TRIM55: variants seen among roughly 807,000 people sequenced by gnomAD.
TRIM55 encodes the protein tripartite motif-containing protein 55.
TRIM55 carries 50 observed loss-of-function variants against 60.9 expected under a neutral mutation model. The observed-to-expected ratio is 0.82, with a 90% CI of 0.65 to 1.04. The LOEUF is 1.04. TRIM55 is among the 50% of genes least tolerant of loss of function. The pLI, the probability that TRIM55 is intolerant of heterozygous loss-of-function variation, is 0.00. For missense variants in TRIM55, 681 were observed against 666.9 expected (o/e 1.02, Z -0.23); for synonymous variants, 237 against 238.1 (o/e 1.00, Z 0.04).
At position 66,127,305 on chromosome 8, in the gene TRIM55, G is replaced by C. The variant is rs1383823197; in HGVS notation, c.37G>C (p.Glu13Gln). 6.2e-7 allele frequency: 1 copy of C among 1,614,056 alleles called. No individual in the cohort carries two copies. Among genetic ancestry groups the C allele is most frequent in the Non-Finnish European group, 8.5e-7 (1 of 1,180,032 alleles). Residue 13 changes from glutamate (E) to glutamine (Q), a missense_variant, in exon 1 of 10, where the codon GAG becomes CAG. Coordinates refer to ENST00000315962, the MANE Select transcript of TRIM55 (RefSeq NM_184085.2). Reference sequence around the variant, plus strand: ...TCTGAATTACAAATCTTTTTCCAAAGAGCAGCAGACCATGGATAACTTAGA... The same window carrying C: ...TCTGAATTACAAATCTTTTTCCAAACAGCAGCAGACCATGGATAACTTAGA... ...ASLNYKSFSK[E>Q]QQTMDNLEKQ...
chr8:66,149,287 GCA>G (rs899579425), intron 4 of TRIM55, among the ~76,000 whole-genome samples: 31 of 152,014 alleles, frequency 2.0e-4, no homozygotes, highest in Non-Finnish European at 2.9e-5. Context: ...GCACACACAT[GCA>G]CACACACTCC....
the TRIM55 span, among the ~76,000 whole-genome samples, chr8:66,121,350 G>A: frequency 1.3e-5 from 2 of 152,354 alleles, no homozygotes; most frequent in Non-Finnish European, 2.9e-5. Context: ...AATTGCTCCC[G>A]ATCAGTTTCT....
chr8:66,157,000 C>T lies in TRIM55; in HGVS notation c.1524+2666C>T, dbSNP rs78839418. 9.3e-4 allele frequency among the ~76,000 whole-genome samples: 141 copies of T among 152,332 alleles called. No homozygotes were observed. The East Asian group carries it at 0.025, about 27-fold the overall frequency. On this transcript the variant is annotated intron_variant, in intron 9 of 9. Coordinates refer to ENST00000315962, the MANE Select transcript of TRIM55 (RefSeq NM_184085.2). ...GAATGGTGAGAGAGAAAACTCCATG[C>T]TTTATTGGAACCAGGACCTAATTGT...
chr8:66,163,957 A>T (rs140649510), intron 9 of TRIM55, among the ~76,000 whole-genome samples: 29 of 151,632 alleles, frequency 1.9e-4, no homozygotes, highest in Non-Finnish European at 4.3e-4. Flanking sequence ...GTTTAGGTAC[A>T]TTCATATTTA....
At chr8:66,144,386 A>G (rs551652674) in intron 4 of TRIM55, among the ~76,000 whole-genome samples, 273 of 152,308 alleles carry the variant, frequency 1.8e-3, no homozygotes, top group Non-Finnish European at 3.1e-3. Context: ...ATTTTCATTA[A>G]AATATTATAG....
intron 4 of TRIM55, among the ~76,000 whole-genome samples, chr8:66,143,019 G>A (rs1212628074): frequency 6.6e-6 from 1 of 152,162 alleles, no homozygotes; most frequent in Non-Finnish European, 1.5e-5. Flanking sequence ...GTTGGTGGCA[G>A]GAAATCCTGT....
intron 2 of TRIM55, among the ~76,000 whole-genome samples, chr8:66,130,273 TA>T (rs1809060275): frequency 6.6e-6 from 1 of 152,214 alleles, no homozygotes; most frequent in Non-Finnish European, 1.5e-5. Context: ...TTTCCAACAA[TA>T]AAGCTCATAG....
chr8:66,135,109 A>G lies in TRIM55; in HGVS notation c.461A>G (p.Lys154Arg). The G allele has an allele frequency of 1.2e-6, 2 of 1,614,144 alleles. No individual in the cohort carries two copies. Among genetic ancestry groups the G allele is most frequent in the Non-Finnish European group, 1.7e-6 (2 of 1,180,024 alleles). ...CTGTGCAAGGTGTTTGGTGCACACA[A>G]AGACTGCCAGGTGGCTCCCCTCACT... ...CSLCKVFGAH[K>R]DCQVAPLTHV... Residue 154 changes from lysine (K) to arginine (R), a missense_variant, in exon 3 of 10, where the codon AAA becomes AGA. By Grantham distance (26) the Lys-to-Arg change is conservative (BLOSUM62 2). Coordinates refer to ENST00000315962, the MANE Select transcript of TRIM55 (RefSeq NM_184085.2).
At chr8:66,150,135 A>G (rs1323562144) in intron 5 of TRIM55, 82 bp from the exon 6 acceptor site, 4 of 1,486,368 alleles carry the variant, frequency 2.7e-6, no homozygotes, top group Non-Finnish European at 3.7e-6. Context: ...AGATTCTCAG[A>G]GTCAACAAAG....
the TRIM55 span, among the ~76,000 whole-genome samples, chr8:66,115,857 T>C: frequency 6.6e-6 from 1 of 152,302 alleles, no homozygotes; most frequent in Non-Finnish European, 1.5e-5. Context: ...TGTAAAGGCC[T>C]TAGTACAGTG....
At chr8:66,163,422 T>C (rs1330808198) in intron 9 of TRIM55, among the ~76,000 whole-genome samples, 1 of 152,254 alleles carries the variant, frequency 6.6e-6, no homozygotes, top group Non-Finnish European at 1.5e-5. Context: ...GTAAAGTTAC[T>C]TCTCATCACT....
intron 2 of TRIM55, among the ~76,000 whole-genome samples, 165 bp downstream of exon 2, chr8:66,128,641 A>G (rs1274455640): frequency 2.0e-5 from 3 of 152,220 alleles, no homozygotes; most frequent in African/African-American, 7.2e-5. Flanking sequence ...AGAGTTGCTC[A>G]CAGCAGGAGA....
chr8:66,154,352 T>A lies in TRIM55; in HGVS notation c.1524+18T>A. The A allele has an allele frequency of 6.2e-7, 1 of 1,611,462 alleles. No individual in the cohort carries two copies. The highest frequency in any genetic ancestry group is 8.5e-7 in the Non-Finnish European group (1 of 1,178,048). ...CTTCTCAGGTTAGTGATGATGCACTTGTGTCTATGCTTTCCCGCGCCCCCT... is the reference window on the plus strand; with the variant it reads ...CTTCTCAGGTTAGTGATGATGCACTAGTGTCTATGCTTTCCCGCGCCCCCT... On this transcript the variant is annotated intron_variant, in intron 9 of 9. Coordinates refer to ENST00000315962, the MANE Select transcript of TRIM55 (RefSeq NM_184085.2).
intron 9 of TRIM55, among the ~76,000 whole-genome samples, chr8:66,163,556 C>T (rs11992585): frequency 0.024 from 3,624 of 152,242 alleles, 130 homozygotes; most frequent in African/African-American, 0.082. Context: ...AGCGGCATTT[C>T]GTTTCCAGAT....
the TRIM55 span, among the ~76,000 whole-genome samples, chr8:66,114,201 C>T: frequency 1.3e-5 from 2 of 151,618 alleles, no homozygotes; most frequent in Non-Finnish European, 2.9e-5. Context: ...GGGATTAGCT[C>T]AAATGGTAGA....
Position 66,134,279 on chromosome 8 carries a change from C to T in TRIM55, c.342-711C>T, listed in dbSNP as rs554130222. 3.9e-5 allele frequency among the ~76,000 whole-genome samples: 6 copies of T among 152,332 alleles called. 1 individual carries two copies. The South Asian group carries it at 1.2e-3, about 32-fold the overall frequency. ...TTTGAATACTTCTGAAAACTATTAGCAGCCTCAGTCATTAGATAGGATATA... is the reference window on the plus strand; with the variant it reads ...TTTGAATACTTCTGAAAACTATTAGTAGCCTCAGTCATTAGATAGGATATA... On this transcript the variant is annotated intron_variant, in intron 2 of 9. Transcript: ENST00000315962.
intron 9 of TRIM55, among the ~76,000 whole-genome samples, chr8:66,160,433 G>GT (rs1810984082): frequency 6.6e-6 from 1 of 151,706 alleles, no homozygotes; most frequent in African/African-American, 2.4e-5. Flanking sequence ...ATTTGGGCTG[G>GT]TTTCATAATT....
At chr8:66,158,141 C>CCACACACACA (rs35285600) in intron 9 of TRIM55, among the ~76,000 whole-genome samples, 61 of 114,864 alleles carry the variant, frequency 5.3e-4, no homozygotes, top group African/African-American at 1.4e-3. Context: ...GATCTCCCCA[C>CCACACACACA]CACACACACA....
At chr8:66,135,194 A>G in intron 3 of TRIM55, 39 bp downstream of exon 3, 1 of 1,603,638 alleles carries the variant, frequency 6.2e-7, no homozygotes. Context: ...ACCCCTCCCC[A>G]TCCCCACACC....
Sources: allele counts gnomAD v4.1 joint callset (sites outside exome capture counted in the v4.1 genomes callset), GRCh38; gene constraint gnomAD v4.1.1; transcripts MANE v1.5; gene names NCBI Gene and HGNC (gene_info 2026-07-23, HGNC 2026-07-21).